The following FIGN variants were observed in gnomAD, a reference collection of about 807,000 sequenced individuals.
The protein encoded by FIGN is fidgetin, microtubule severing factor.
Under a neutral mutation model 51.3 loss-of-function variants are expected in FIGN, and 11 were observed. That is an observed-to-expected ratio of 0.21 (90% CI 0.13 to 0.35). The LOEUF is 0.35. Among genes scored for constraint, FIGN ranks in the 10% least tolerant of loss-of-function variants. The pLI, the probability that FIGN is intolerant of heterozygous loss-of-function variation, is 1.00. For missense variants in FIGN, 857 were observed against 943.6 expected, an observed-to-expected ratio of 0.91 and a Z score of 1.20; for synonymous variants, 407 against 363.2, an observed-to-expected ratio of 1.12 and a Z score of -1.37.
At chr2:163,611,900 T>C in intron 2 of FIGN, 94 bp from the exon 3 acceptor site, 1 of 978,738 alleles carries the variant, frequency 1.0e-6, no homozygotes, top group Non-Finnish European at 1.5e-6. Flanking sequence ...CCTATTATTT[T>C]CCATTAATGA....
chr2:163,689,629 G>A lies in FIGN; in HGVS notation c.25+45274C>T, dbSNP rs148793982. ...GTATTGAGTCAATCTGAATTACACA[G>A]AGCCTTGACCAATATTTATTGCTAC... is the stretch of plus-strand genomic sequence containing the variant. On this transcript the variant is annotated intron_variant, in intron 2 of 2. Transcript: ENST00000333129. Among the ~76,000 whole-genome samples, 9 of 152,200 alleles carry A rather than the reference G, an allele frequency of 5.9e-5. No individual in the cohort carries two copies. The East Asian group carries it at 1.2e-3, about 20-fold the overall frequency.
intron 2 of FIGN, among the ~76,000 whole-genome samples, chr2:163,699,471 T>C (rs1252722114): frequency 6.7e-6 from 1 of 149,380 alleles, no homozygotes; most frequent in Admixed American, 6.8e-5. Flanking sequence ...AATATTACAA[T>C]TTTAGGTTAG....
intron 2 of FIGN, among the ~76,000 whole-genome samples, chr2:163,730,961 CCTTT>C (rs1164416178): frequency 6.6e-6 from 1 of 152,096 alleles, no homozygotes; most frequent in Non-Finnish European, 1.5e-5. Context: ...TAAAATAGCA[CCTTT>C]CTATTTCTAT....
chr2:163,668,326 A>G (rs1683817606), intron 2 of FIGN, among the ~76,000 whole-genome samples: 1 of 152,208 alleles, frequency 6.6e-6, no homozygotes, highest in Non-Finnish European at 1.5e-5. Context: ...AAGAAGAACC[A>G]GTAAAGGATA....
chr2:163,691,524 G>A (rs573777089), intron 2 of FIGN, among the ~76,000 whole-genome samples: 3 of 152,178 alleles, frequency 2.0e-5, no homozygotes, highest in East Asian at 3.9e-4. Flanking sequence ...GCTACTTGAT[G>A]TGACCTATTT....
At chr2:163,687,012 TAC>T (rs547589971) in intron 2 of FIGN, among the ~76,000 whole-genome samples, 10,757 of 146,836 alleles carry the variant, frequency 0.073, 431 homozygotes, top group Non-Finnish European at 0.1. Flanking sequence ...TGAGATTGTG[TAC>T]ACACACACAC....
At chr2:163,704,782 T>C (rs1465728878) in intron 2 of FIGN, among the ~76,000 whole-genome samples, 1 of 151,848 alleles carries the variant, frequency 6.6e-6, no homozygotes, top group Non-Finnish European at 1.5e-5. Flanking sequence ...AATGGGATAT[T>C]TCAAATACTC....
At chr2:163,668,015 C>T (rs1411637293) in intron 2 of FIGN, among the ~76,000 whole-genome samples, 1 of 60,452 alleles carries the variant, frequency 1.7e-5, no homozygotes, top group Non-Finnish European at 3.0e-5. Context: ...CTACCTCCAA[C>T]CCCCCCCCCC....
intron 2 of FIGN, among the ~76,000 whole-genome samples, chr2:163,716,227 T>A (rs999580652): frequency 3.9e-5 from 6 of 152,210 alleles, no homozygotes; most frequent in Non-Finnish European, 8.8e-5. Flanking sequence ...CTGGAGCAGA[T>A]CTATGGATGC....
In FIGN at chr2:163,609,420, G is replaced by T; in HGVS notation, c.*132C>A. Reference sequence around the variant, plus strand: ...CCAAATCTACCCTGACTCTAAAGATGCAACTTAATCGTCATCTTCCCCAGT... The same window carrying T: ...CCAAATCTACCCTGACTCTAAAGATTCAACTTAATCGTCATCTTCCCCAGT... On this transcript the variant is annotated 3_prime_UTR_variant, in exon 3 of 3. Transcript: ENST00000333129. 1.3e-6 allele frequency: 1 copy of T among 751,692 alleles called. No homozygotes were observed. Among genetic ancestry groups the T allele is most frequent in the Non-Finnish European group, 2.1e-6 (1 of 477,306 alleles). 46.6% of individuals were successfully genotyped at this position (751,692 alleles called of 1,614,324 possible).
chr2:163,734,452 T>C (rs957170149), intron 2 of FIGN, among the ~76,000 whole-genome samples: 1 of 149,842 alleles, frequency 6.7e-6, no homozygotes, highest in Non-Finnish European at 1.5e-5. Context: ...AAAATTTTCA[T>C]CCAGTCCTGT....
In FIGN at chr2:163,730,499, C is replaced by CATGTTT. The variant is rs758257214; in HGVS notation, c.25+4403_25+4404insAAACAT. 4.6e-4 allele frequency among the ~76,000 whole-genome samples: 59 copies of CATGTTT among 128,252 alleles called. No individual in the cohort carries two copies. In the East Asian group the frequency reaches 6.7e-3, roughly 15 times the overall value. The allele number at this position is 128,252 out of a possible 152,430, so 84.1% of individuals were successfully genotyped here. A position where few individuals can be genotyped will look rare whatever the true frequency, so the allele number is the denominator to read the frequency against. ...TAGGTACAATCTCTCTCTCTTGCTC[C>CATGTTT]GTGTTTGTGTGTGTGTGTGTGTGTG... On this transcript the variant is annotated intron_variant, in intron 2 of 2. Transcript: ENST00000333129.
Position 163,668,014 on chromosome 2 carries a change from A to AACCC in FIGN, c.26-56209_26-56208insGGGT, listed in dbSNP as rs1491089658. On this transcript the variant is annotated intron_variant, in intron 2 of 2. Transcript: ENST00000333129. ...AGGAAAGAGAACACCCCTACCTCCA[A>AACCC]CCCCCCCCCCCAAAAAACCCTCCAC... 1.8e-3 allele frequency among the ~76,000 whole-genome samples: 195 copies of AACCC among 106,764 alleles called. 2 individuals carry two copies. Among genetic ancestry groups the AACCC allele is most frequent in the East Asian group, 3.8e-3 (10 of 2,606 alleles). 70.0% of individuals were successfully genotyped at this position (106,764 alleles called of 152,430 possible). A position where few individuals can be genotyped will look rare whatever the true frequency, so the allele number is the denominator to read the frequency against.
intron 2 of FIGN, among the ~76,000 whole-genome samples, chr2:163,697,776 T>C (rs1355390286): frequency 1.3e-5 from 2 of 152,180 alleles, no homozygotes; most frequent in East Asian, 3.9e-4. Context: ...ATAGAGATAA[T>C]AAGAGTTATA....
chr2:163,647,697 T>A (rs1038766274), intron 2 of FIGN, among the ~76,000 whole-genome samples: 1 of 152,224 alleles, frequency 6.6e-6, no homozygotes, highest in Non-Finnish European at 1.5e-5. Flanking sequence ...GGGAAAACTA[T>A]TCATACAAAT....
chr2:163,677,879 T>C (rs1359682878), intron 2 of FIGN, among the ~76,000 whole-genome samples: 1 of 152,208 alleles, frequency 6.6e-6, no homozygotes, highest in Non-Finnish European at 1.5e-5. Flanking sequence ...TTTCTAGATA[T>C]GTGAAGCCAA....
intron 2 of FIGN, among the ~76,000 whole-genome samples, chr2:163,667,694 C>A (rs1211491892): frequency 1.3e-5 from 2 of 152,194 alleles, no homozygotes; most frequent in Non-Finnish European, 2.9e-5. Flanking sequence ...TACTGGGCTT[C>A]ATCCAACTCT....
intron 2 of FIGN, among the ~76,000 whole-genome samples, chr2:163,625,687 C>CAT (rs1259092704): frequency 2.0e-5 from 3 of 151,644 alleles, no homozygotes; most frequent in Admixed American, 6.6e-5. Flanking sequence ...TATCTTGAGG[C>CAT]ATATATATAT....
chr2:163,678,817 C>A (rs1330063934), intron 2 of FIGN, among the ~76,000 whole-genome samples: 1 of 152,060 alleles, frequency 6.6e-6, no homozygotes, highest in Non-Finnish European at 1.5e-5. Context: ...GAGGTGTTAG[C>A]CATTCCCTAG....
Sources: gnomAD v4.1 joint callset for allele counts (sites outside exome capture counted in the v4.1 genomes callset) on GRCh38, gnomAD v4.1.1 for gene constraint, MANE v1.5 for transcripts, NCBI Gene and HGNC (gene_info 2026-07-23, HGNC 2026-07-21) for gene names.